The following PCDHA13 variants were observed in gnomAD, a reference collection of about 807,000 sequenced individuals.
PCDHA13 encodes protocadherin alpha-13.
In PCDHA13, 54 loss-of-function variants were observed where a neutral mutation model predicts 64.8. That is an observed-to-expected ratio of 0.83 (90% CI 0.67 to 1.04). The LOEUF (loss-of-function observed/expected upper bound fraction) is 1.04. Ranked by LOEUF, PCDHA13 falls within the 50% of genes least tolerant of loss-of-function variation. The probability of loss-of-function intolerance (pLI) is 0.00; values close to 1 mark genes in which losing one functional copy is unlikely to be tolerated. For missense variants in PCDHA13, 1,248 were observed against 1,254.3 expected, an observed-to-expected ratio of 0.99 and a Z score of 0.08; for synonymous variants, 587 against 564.4, an observed-to-expected ratio of 1.04 and a Z score of -0.57.
chr5:140,927,450 G>A (rs782619485), intron 1 of PCDHA13: 3 of 1,614,188 alleles, frequency 1.9e-6, no homozygotes, highest in South Asian at 1.1e-5. Context: ...CGGAGTTGGT[G>A]TTGGAGAAAG....
rs75101825 is a variant in PCDHA13, at chr5:140,914,430, C to A, written c.2394+29768C>A. On this transcript the variant is annotated intron_variant, in intron 1 of 3. Coordinates refer to ENST00000289272, the MANE Select transcript of PCDHA13 (RefSeq NM_018904.3). ...TTTTGTTTCCATTAGCAAGGAATAT[C>A]TTTTCCCATGTCTTTATTTTCCAGT... Among the ~76,000 whole-genome samples the A allele has an allele frequency of 8.0e-3, 1,215 of 152,204 alleles. 6 individuals carry two copies. Among genetic ancestry groups the A allele is most frequent in the African/African-American group, 0.019 (784 of 41,536 alleles).
intron 3 of PCDHA13, among the ~76,000 whole-genome samples, chr5:141,000,413 A>AT (rs2097920175): frequency 1.1e-5 from 1 of 93,256 alleles, no homozygotes; most frequent in African/African-American, 4.5e-5. Context: ...ATATATATAT[A>AT]TATATATATT....
At chr5:140,906,257 C>A (rs1394766953) in intron 1 of PCDHA13, among the ~76,000 whole-genome samples, 2 of 152,168 alleles carry the variant, frequency 1.3e-5, no homozygotes, top group Non-Finnish European at 2.9e-5. Flanking sequence ...ATACACACCT[C>A]CTGAAATTAT....
intron 1 of PCDHA13, among the ~76,000 whole-genome samples, chr5:140,963,054 T>G (rs1554226381): frequency 6.6e-6 from 1 of 152,174 alleles, no homozygotes; most frequent in Non-Finnish European, 1.5e-5. Flanking sequence ...TATAAGGGTT[T>G]CTACATTGTG....
intron 1 of PCDHA13, among the ~76,000 whole-genome samples, chr5:140,956,676 G>A (rs1281224695): frequency 5.3e-5 from 8 of 152,126 alleles, no homozygotes; most frequent in Admixed American, 2.0e-4. Flanking sequence ...GAGTTAGGGA[G>A]GAGTACCTCC....
intron 1 of PCDHA13, among the ~76,000 whole-genome samples, chr5:140,923,065 TCTC>T: frequency 6.6e-6 from 1 of 152,304 alleles, no homozygotes; most frequent in Non-Finnish European, 1.5e-5. Context: ...AAGAGCTAGG[TCTC>T]CTCATGTCAG....
chr5:140,896,280 G>A (rs940722689), intron 1 of PCDHA13, among the ~76,000 whole-genome samples: 1 of 152,206 alleles, frequency 6.6e-6, no homozygotes, highest in South Asian at 2.1e-4. Flanking sequence ...TTGCTGGCTT[G>A]AATGGTAAGT....
chr5:140,965,690 T>G (rs1203632136), intron 1 of PCDHA13, among the ~76,000 whole-genome samples: 2 of 152,172 alleles, frequency 1.3e-5, no homozygotes, highest in Admixed American at 1.3e-4. Context: ...TGAAGCAAGA[T>G]TAGAAAAAGC....
At chr5:140,902,530 G>C (rs569387885) in intron 1 of PCDHA13, among the ~76,000 whole-genome samples, 1 of 152,026 alleles carries the variant, frequency 6.6e-6, no homozygotes, top group African/African-American at 2.4e-5. Flanking sequence ...TTATTATGTT[G>C]AGGTATGTTC....
intron 1 of PCDHA13, among the ~76,000 whole-genome samples, chr5:140,934,086 G>C (rs540895208): frequency 1.3e-5 from 2 of 151,872 alleles, no homozygotes; most frequent in Admixed American, 1.3e-4. Context: ...TCGCTTTGTT[G>C]TATGTTTGCT....
At chr5:140,957,531 G>A (rs2095365025) in intron 1 of PCDHA13, among the ~76,000 whole-genome samples, 1 of 152,080 alleles carries the variant, frequency 6.6e-6, no homozygotes, top group Non-Finnish European at 1.5e-5. Flanking sequence ...ATTCAGTGGG[G>A]ATCTTAGAAA....
rs371960819 is a variant in PCDHA13, at chr5:140,928,197, T to C, written c.2394+43535T>C. The C allele has an allele frequency of 1.9e-5, 30 of 1,614,192 alleles. 1 individual carries two copies. In the African/African-American group the frequency reaches 2.0e-4, roughly 11 times the overall value. On this transcript the variant is annotated intron_variant, in intron 1 of 3. Coordinates refer to ENST00000289272, the MANE Select transcript of PCDHA13 (RefSeq NM_018904.3). Reference sequence around the variant, plus strand: ...CCCGAAGGACAATCACTGTGTCAGTTGCTGATGTGAATGACAATACACCAA... The same window carrying C: ...CCCGAAGGACAATCACTGTGTCAGTCGCTGATGTGAATGACAATACACCAA...
At position 140,967,010 on chromosome 5, in the gene PCDHA13, C is replaced by T. The variant is rs781936791; in HGVS notation, c.2395-11939C>T. 7 of 1,606,340 alleles carry T rather than the reference C, an allele frequency of 4.4e-6. No individual in the cohort carries two copies. In the South Asian group the frequency reaches 6.6e-5, roughly 15 times the overall value. On this transcript the variant is annotated intron_variant, in intron 1 of 3. Coordinates refer to ENST00000289272, the MANE Select transcript of PCDHA13 (RefSeq NM_018904.3). ...GCCGGGTTGCTTGCGCATCAACCAT[C>T]TGGGTGCGCCCAGTCCGCGCTACCT...
chr5:141,011,182 G>T lies in PCDHA13; in HGVS notation c.*1245G>T, dbSNP rs887034679. On this transcript the variant is annotated 3_prime_UTR_variant, in exon 4 of 4. Coordinates refer to ENST00000289272, the MANE Select transcript of PCDHA13 (RefSeq NM_018904.3). ...TATATATCAAGACCCAAAAATTGAA[G>T]AAAAATATTGTTTTCTCATACAGTG... 1.3e-5 allele frequency: 2 copies of T among 153,494 alleles called. No individual in the cohort carries two copies. Among genetic ancestry groups the T allele is most frequent in the Admixed American group, 6.6e-5 (1 of 15,254 alleles). The allele number at this position is 153,494 out of a possible 1,614,324, so 9.5% of individuals were successfully genotyped here.
chr5:140,982,526 T>A lies in PCDHA13; in HGVS notation c.2505T>A (p.Pro835=). Residue 835 remains proline (P), a synonymous_variant, in exon 3 of 4, where the codon CCT becomes CCA. Coordinates refer to ENST00000289272, the MANE Select transcript of PCDHA13 (RefSeq NM_018904.3). ...TTCTACGGGCTGGTCCAGGAGGGCC[T>A]GATCAGCAGTGGCCAACAGTATCCA... ...AGILRAGPGG[P]DQQWPTVSSA... is the part of the protein sequence containing the mutation. 1.2e-6 allele frequency: 2 copies of A among 1,614,192 alleles called. No individual in the cohort carries two copies. Among genetic ancestry groups the A allele is most frequent in the Non-Finnish European group, 1.7e-6 (2 of 1,180,028 alleles).
In PCDHA13 at chr5:140,896,536, C is replaced by CTTT. The variant is rs34213614; in HGVS notation, c.2394+11884_2394+11886dup. 9.4e-4 allele frequency among the ~76,000 whole-genome samples: 137 copies of CTTT among 145,660 alleles called. 1 individual carries two copies. Among genetic ancestry groups the CTTT allele is most frequent in the East Asian group, 2.8e-3 (14 of 5,008 alleles). On this transcript the variant is annotated intron_variant, in intron 1 of 3. Coordinates refer to ENST00000289272, the MANE Select transcript of PCDHA13 (RefSeq NM_018904.3). ...CACACCACAAAGCCCAGCTATTTTT[C>CTTT]TTTTTTTTTTTTGTATTTTAAGTAG... is the stretch of plus-strand genomic sequence containing the variant.
intron 3 of PCDHA13, among the ~76,000 whole-genome samples, chr5:141,008,072 T>C (rs1419103459): frequency 2.0e-5 from 3 of 152,272 alleles, no homozygotes; most frequent in Admixed American, 6.5e-5. Context: ...TAAGAACTTA[T>C]TGGGGTTATT....
chr5:140,990,694 C>T (rs549554926), intron 3 of PCDHA13, among the ~76,000 whole-genome samples: 10 of 152,108 alleles, frequency 6.6e-5, no homozygotes, highest in Non-Finnish European at 1.5e-4. Context: ...TCGGAGAGTC[C>T]AGATTTATGG....
chr5:140,945,659 G>C (rs2093824580), intron 1 of PCDHA13, among the ~76,000 whole-genome samples: 1 of 152,090 alleles, frequency 6.6e-6, no homozygotes, highest in Non-Finnish European at 1.5e-5. Context: ...GCAGAATACA[G>C]CTCCCAGAAA....
Sources: gnomAD v4.1 joint callset for allele counts (sites outside exome capture counted in the v4.1 genomes callset) on GRCh38, gnomAD v4.1.1 for gene constraint, MANE v1.5 for transcripts, NCBI Gene and HGNC (gene_info 2026-07-23, HGNC 2026-07-21) for gene names.